The following JPH2 variants were observed in gnomAD, a reference collection of about 807,000 sequenced individuals.
The protein encoded by JPH2 is junctophilin 2, also known as junctophilin-2.
A neutral mutation model predicts 55.9 loss-of-function variants in JPH2; 38 were observed. The ratio of observed to expected loss-of-function variants is 0.68; its 90% CI spans 0.52 to 0.89. The LOEUF (loss-of-function observed/expected upper bound fraction) is 0.89, where lower values mean the gene tolerates loss of function less well. Among genes scored for constraint, JPH2 ranks in the 40% least tolerant of loss-of-function variants. The pLI is 0.00. For missense variants in JPH2, 964 were observed against 1,037.6 expected (o/e 0.93, Z 0.97); for synonymous variants, 480 against 472.4 (o/e 1.02, Z -0.21).
intron 2 of JPH2, among the ~76,000 whole-genome samples, chr20:44,138,289 C>T (rs1457527307): frequency 1.3e-5 from 2 of 151,850 alleles, no homozygotes; most frequent in African/African-American, 4.8e-5. Context: ...AAGTGTAATC[C>T]CAAAGTGCTG....
At position 44,110,961 on chromosome 20, in the gene JPH2, G is replaced by T. The variant is rs6073331; in HGVS notation, c.*2557C>A. ...TGAACTCGAGCCTACTGTTGGTTGA[G>T]GGACCTTCTTCTCCAACCCCCTCGC... On this transcript the variant is annotated 3_prime_UTR_variant, in exon 6 of 6. Transcript: ENST00000372980. Among the ~76,000 whole-genome samples the T allele has an allele frequency of 1.0e-3, 155 of 152,128 alleles. No homozygotes were observed. Among genetic ancestry groups the T allele is most frequent in the African/African-American group, 3.6e-3 (149 of 41,482 alleles).
chr20:44,180,481 G>A (rs574909790), intron 1 of JPH2, among the ~76,000 whole-genome samples: 1 of 152,098 alleles, frequency 6.6e-6, no homozygotes, highest in Non-Finnish European at 1.5e-5. Flanking sequence ...ATAGGCATGT[G>A]CCACCATGTC....
In JPH2 at chr20:44,147,577, T is replaced by G. The variant is rs79569372; in HGVS notation, c.1169+12041A>C. Among the ~76,000 whole-genome samples the G allele has an allele frequency of 8.9e-3, 1,360 of 152,286 alleles. 23 individuals are homozygous for G. The highest frequency in any genetic ancestry group is 0.031 in the African/African-American group (1,297 of 41,550). On this transcript the variant is annotated intron_variant, in intron 2 of 5. Transcript: ENST00000372980. ...TAAGTAGAAGAATTCTATAAGCAAA[T>G]TGTAAACAACGGTCACTTCAGAGGT... is the stretch of plus-strand genomic sequence containing the variant.
rs144991503 is a variant in JPH2 at position 44,158,363 on chromosome 20, C to A, written c.1169+1255G>T. Among the ~76,000 whole-genome samples, 474 of 152,118 alleles carry A rather than the reference C, an allele frequency of 3.1e-3. 6 individuals carry two copies. Among genetic ancestry groups the A allele is most frequent in the East Asian group, 0.027 (140 of 5,158 alleles). On this transcript the variant is annotated intron_variant, in intron 2 of 5. Coordinates refer to ENST00000372980, the MANE Select transcript of JPH2 (RefSeq NM_020433.5). ...AACTCCAGGCTCAGGGAAAGAATGA[C>A]AAAAAATAAGGCTGGGTAGGAGGGT...
chr20:44,175,035 T>A (rs890492059), intron 1 of JPH2, among the ~76,000 whole-genome samples: 1 of 152,112 alleles, frequency 6.6e-6, no homozygotes, highest in Non-Finnish European at 1.5e-5. Flanking sequence ...AAAAGTCATA[T>A]GCTCATTGCA....
chr20:44,179,434 G>T (rs968672625), intron 1 of JPH2, among the ~76,000 whole-genome samples: 5 of 152,302 alleles, frequency 3.3e-5, no homozygotes, highest in Non-Finnish European at 7.4e-5. Flanking sequence ...AGATGAGAGG[G>T]TTATGAGGTA....
Position 44,109,233 on chromosome 20 carries a change from A to G in JPH2, c.*4285T>C, listed in dbSNP as rs1255836180. 1.3e-5 allele frequency among the ~76,000 whole-genome samples: 2 copies of G among 152,000 alleles called. No homozygotes were observed. Among genetic ancestry groups the G allele is most frequent in the East Asian group, 1.9e-4 (1 of 5,190 alleles). ...AATCACTCCATCTCCCCAAGGCTCA[A>G]TTTTCCTCATCTGCAAAATGGGTGG... On this transcript the variant is annotated 3_prime_UTR_variant, in exon 6 of 6. Coordinates refer to ENST00000372980, the MANE Select transcript of JPH2 (RefSeq NM_020433.5).
Position 44,160,152 on chromosome 20 carries a change from G to T in JPH2, c.635C>A (p.Ala212Glu). The change falls in exon 2 of 6, where the codon GCG (alanine) becomes GAG (glutamate). Residue 212 changes from alanine (A) to glutamate (E), a missense_variant. Coordinates refer to ENST00000372980, the MANE Select transcript of JPH2 (RefSeq NM_020433.5). The surrounding 1 kb of genome is among the most constrained non-coding windows in gnomAD (Gnocchi z 4.9). ...GAGGCCGCCGCCCTTGGGCGCCCGC[G>T]CGGCCGCCTCGGCATTGGCCAGGAG... ...LSLLANAEAA[A>E]RAPKGGGLFQ... 1 of 1,431,858 alleles carries T rather than the reference G, an allele frequency of 7.0e-7. No individual in the cohort carries two copies. The highest frequency in any genetic ancestry group is 3.0e-5 in the Admixed American group (1 of 33,314). 88.7% of individuals were successfully genotyped at this position (1,431,858 alleles called of 1,614,324 possible). A position where few individuals can be genotyped will look rare whatever the true frequency, so the allele number is the denominator to read the frequency against.
rs963499435 is a variant in JPH2 at position 44,111,156 on chromosome 20, A to G, written c.*2362T>C. On this transcript the variant is annotated 3_prime_UTR_variant, in exon 6 of 6. Coordinates refer to ENST00000372980, the MANE Select transcript of JPH2 (RefSeq NM_020433.5). ...CCCTCAGGCTCCCCCACTGATTGAG[A>G]TATTCTGACTAAACAACTGGTATCT... Among the ~76,000 whole-genome samples the G allele has an allele frequency of 6.6e-6, 1 of 152,142 alleles. No homozygotes were observed. Among genetic ancestry groups the G allele is most frequent in the Non-Finnish European group, 1.5e-5 (1 of 68,026 alleles).
intron 2 of JPH2, among the ~76,000 whole-genome samples, chr20:44,137,163 C>T (rs1191485043): frequency 3.9e-5 from 6 of 152,154 alleles, no homozygotes; most frequent in Non-Finnish European, 8.8e-5. Context: ...CGGATTTTCT[C>T]CCCAAGGGTT....
chr20:44,140,135 T>C (rs1333319020), intron 2 of JPH2, among the ~76,000 whole-genome samples: 1 of 152,152 alleles, frequency 6.6e-6, no homozygotes, highest in East Asian at 1.9e-4. Flanking sequence ...CCTCCCAAAG[T>C]GCTAGGATTA....
intron 2 of JPH2, among the ~76,000 whole-genome samples, chr20:44,140,692 G>T (rs1053805735): frequency 6.6e-6 from 1 of 151,296 alleles, no homozygotes; most frequent in African/African-American, 2.4e-5. Flanking sequence ...TGGGGTGATC[G>T]CTGGGATTAT....
intron 2 of JPH2, among the ~76,000 whole-genome samples, chr20:44,152,719 A>T (rs2072540039): frequency 6.6e-6 from 1 of 152,164 alleles, no homozygotes; most frequent in Non-Finnish European, 1.5e-5. Context: ...TGTGGAAATG[A>T]GTGTTGGCAG....
intron 2 of JPH2, among the ~76,000 whole-genome samples, chr20:44,120,393 C>T (rs542869924): frequency 6.6e-6 from 1 of 152,314 alleles, no homozygotes; most frequent in Non-Finnish European, 1.5e-5. Context: ...CTTAGCTTAA[C>T]TCACAGAAGT....
At chr20:44,174,475 A>T (rs1386950376) in intron 1 of JPH2, among the ~76,000 whole-genome samples, 3 of 152,132 alleles carry the variant, frequency 2.0e-5, no homozygotes, top group Non-Finnish European at 1.5e-5. Flanking sequence ...AGCACTTTTT[A>T]AAAATTGCAA....
rs2072126846 is a variant in JPH2 at position 44,109,398 on chromosome 20, C to G, written c.*4120G>C. ...AAGAGGCAGGTAACATGGTATTCAT[C>G]ACCCCCAGAAAAGTAAGAAAGTTCT... On this transcript the variant is annotated 3_prime_UTR_variant, in exon 6 of 6. Coordinates refer to ENST00000372980, the MANE Select transcript of JPH2 (RefSeq NM_020433.5). 6.6e-6 allele frequency among the ~76,000 whole-genome samples: 1 copy of G among 152,222 alleles called. No homozygotes were observed. Among genetic ancestry groups the G allele is most frequent in the South Asian group, 2.1e-4 (1 of 4,832 alleles).
intron 2 of JPH2, among the ~76,000 whole-genome samples, chr20:44,148,605 C>T (rs1450634108): frequency 6.6e-6 from 1 of 152,178 alleles, no homozygotes; most frequent in Non-Finnish European, 1.5e-5. Context: ...CCCGAGCTGC[C>T]GCGTGGCCTT....
intron 1 of JPH2, among the ~76,000 whole-genome samples, chr20:44,176,524 G>C (rs1028583442): frequency 1.3e-5 from 2 of 151,944 alleles, no homozygotes; most frequent in Non-Finnish European, 2.9e-5. Context: ...GCCATAGGCC[G>C]GGCACAGTGA....
intron 1 of JPH2, among the ~76,000 whole-genome samples, chr20:44,165,792 A>T (rs62204503): frequency 0.11 from 17,139 of 151,856 alleles, 1,141 homozygotes; most frequent in Middle Eastern, 0.15. Context: ...TCCTCCAGAT[A>T]CCTACATGGC....
Sources: allele counts gnomAD v4.1 joint callset (sites outside exome capture counted in the v4.1 genomes callset), GRCh38; gene constraint gnomAD v4.1.1; non-coding constraint Gnocchi (gnomAD v3.1); transcripts MANE v1.5; gene names NCBI Gene and HGNC (gene_info 2026-07-23, HGNC 2026-07-21).